Variants in DDR2 observed in about 807,000 individuals in gnomAD.
The protein encoded by DDR2 is discoidin domain receptor tyrosine kinase 2.
DDR2 carries 27 observed loss-of-function variants against 94.9 expected under a neutral mutation model. That is an observed-to-expected ratio of 0.28 (90% CI 0.21 to 0.39). The LOEUF (loss-of-function observed/expected upper bound fraction) is 0.39, where lower values mean the gene tolerates loss of function less well. DDR2 is among the 10% of genes least tolerant of loss of function. The pLI is 1.00. For missense variants in DDR2, 783 were observed against 1,076.0 expected (o/e 0.73, Z 3.81); for synonymous variants, 382 against 377.2 (o/e 1.01, Z -0.15).
intron 3 of DDR2, among the ~76,000 whole-genome samples, chr1:162,726,636 G>A (rs1661679700): frequency 6.6e-6 from 1 of 152,166 alleles, no homozygotes; most frequent in Non-Finnish European, 1.5e-5. Flanking sequence ...TTGGGGCCAG[G>A]AGCATGATCA....
intron 2 of DDR2, among the ~76,000 whole-genome samples, chr1:162,712,080 C>A (rs1660941558): frequency 6.6e-6 from 1 of 151,756 alleles, no homozygotes; most frequent in Non-Finnish European, 1.5e-5. Flanking sequence ...AGGTTCCTAG[C>A]TGTGTCCCCA....
chr1:162,762,286 A>G (rs1388365183), intron 9 of DDR2, among the ~76,000 whole-genome samples: 2 of 152,128 alleles, frequency 1.3e-5, no homozygotes, highest in Non-Finnish European at 2.9e-5. Flanking sequence ...GTCATTCCTA[A>G]TGACTGGTGC....
rs2102197889 is a variant in DDR2, at chr1:162,776,116, C to A, written c.2049-20C>A. 1 of 1,595,458 alleles carries A rather than the reference C, an allele frequency of 6.3e-7. No homozygotes were observed. Among genetic ancestry groups the A allele is most frequent in the Non-Finnish European group, 8.6e-7 (1 of 1,164,038 alleles). ...CCTGTTTCCATAGGCTACCTTCTGTCTTCTTGTCTATTTCCTCAGTTACAC... is the reference window on the plus strand; with the variant it reads ...CCTGTTTCCATAGGCTACCTTCTGTATTCTTGTCTATTTCCTCAGTTACAC... On this transcript the variant is annotated intron_variant, in intron 15 of 17. Transcript: ENST00000367921.
At chr1:162,729,300 A>ATGTTGTTTTTTTTTTTTTT (rs1416872679) in intron 3 of DDR2, among the ~76,000 whole-genome samples, 2 of 94,016 alleles carry the variant, frequency 2.1e-5, no homozygotes, top group African/African-American at 1.1e-4. Flanking sequence ...ATATATATAT[A>ATGTTGTTTTTTTTTTTTTT]TTTTTTTTTT....
intron 9 of DDR2, among the ~76,000 whole-genome samples, chr1:162,764,409 AAAG>A (rs1388801057): frequency 3.4e-4 from 52 of 151,186 alleles, no homozygotes; most frequent in African/African-American, 1.2e-3. Flanking sequence ...AAAAAAAAAA[AAAG>A]AAATGTCCAA....
At position 162,635,309 on chromosome 1, in the gene DDR2, G is replaced by A. The variant is rs1306037398; in HGVS notation, c.-192+2678G>A. Among the ~76,000 whole-genome samples the A allele has an allele frequency of 4.7e-5, 5 of 106,208 alleles. 1 individual carries two copies. In the South Asian group the frequency reaches 9.3e-4, roughly 20 times the overall value. 69.7% of individuals were successfully genotyped at this position (106,208 alleles called of 152,430 possible). A position where few individuals can be genotyped will look rare whatever the true frequency, so the allele number is the denominator to read the frequency against. On this transcript the variant is annotated intron_variant, in intron 1 of 17. Transcript: ENST00000367921. ...AATAGACACATGAAAAAATTGGAGCGGCCACCCCCCATACATTCATGTCAC... is the reference window on the plus strand; with the variant it reads ...AATAGACACATGAAAAAATTGGAGCAGCCACCCCCCATACATTCATGTCAC...
chr1:162,694,222 T>C (rs1660083506), intron 2 of DDR2, among the ~76,000 whole-genome samples: 1 of 152,226 alleles, frequency 6.6e-6, no homozygotes, highest in East Asian at 1.9e-4. Flanking sequence ...GCCACTCCTC[T>C]GCCTAAAAGC....
intron 7 of DDR2, among the ~76,000 whole-genome samples, chr1:162,756,459 C>T (rs1663468783): frequency 6.6e-6 from 1 of 152,176 alleles, no homozygotes; most frequent in Non-Finnish European, 1.5e-5. Flanking sequence ...GTACAGGATG[C>T]TCCCACCTAT....
chr1:162,740,512 T>C (rs1662536530), intron 3 of DDR2, among the ~76,000 whole-genome samples: 1 of 152,218 alleles, frequency 6.6e-6, no homozygotes, highest in African/African-American at 2.4e-5. Flanking sequence ...AGTCACCTGG[T>C]TGCTGTCTTC....
At chr1:162,685,162 A>G (rs1366161818) in intron 2 of DDR2, among the ~76,000 whole-genome samples, 1 of 152,180 alleles carries the variant, frequency 6.6e-6, no homozygotes. Flanking sequence ...GAATAATTAT[A>G]TACAAAATAT....
intron 3 of DDR2, among the ~76,000 whole-genome samples, chr1:162,747,544 G>T (rs548468372): frequency 6.6e-6 from 1 of 152,158 alleles, no homozygotes; most frequent in Non-Finnish European, 1.5e-5. Flanking sequence ...TGAAAGTGAC[G>T]GGGAGAATGG....
chr1:162,759,852 C>A lies in DDR2; in HGVS notation c.728C>A (p.Thr243Asn). Reference sequence around the variant, plus strand: ...GGTGTGTCTGGCCTGGACGATTTCACCCAGACCCATGAATACCACGTGTGG... The same window carrying A: ...GGTGTGTCTGGCCTGGACGATTTCAACCAGACCCATGAATACCACGTGTGG... Reference protein sequence around the residue: ...TDGVSGLDDFTQTHEYHVWPG... With the variant: ...TDGVSGLDDFNQTHEYHVWPG... The change falls in exon 8 of 18, where the codon ACC becomes AAC. Residue 243 changes from threonine to asparagine, a missense_variant. Coordinates refer to ENST00000367921, the MANE Select transcript of DDR2 (RefSeq NM_006182.4). The A allele has an allele frequency of 6.2e-7, 1 of 1,614,154 alleles. No individual in the cohort carries two copies. Among genetic ancestry groups the A allele is most frequent in the South Asian group, 1.1e-5 (1 of 91,080 alleles).
intron 2 of DDR2, among the ~76,000 whole-genome samples, chr1:162,690,952 A>G (rs1054590875): frequency 6.6e-6 from 1 of 152,120 alleles, no homozygotes; most frequent in Admixed American, 6.5e-5. Flanking sequence ...TCTTTCACCA[A>G]GTTTTGGCTC....
intron 14 of DDR2, 151 bp downstream of exon 14, chr1:162,773,747 T>C (rs1202823747): frequency 9.3e-6 from 10 of 1,073,736 alleles, no homozygotes; most frequent in Admixed American, 8.2e-5. Context: ...CTTATTCCGA[T>C]GGGGTCGGCA....
chr1:162,748,891 G>T (rs1414808781), intron 3 of DDR2, among the ~76,000 whole-genome samples: 3 of 152,240 alleles, frequency 2.0e-5, no homozygotes, highest in Non-Finnish European at 4.4e-5. Context: ...TGAACAACCT[G>T]CTCCTGAATG....
At chr1:162,712,534 C>G (rs1214942204) in intron 2 of DDR2, among the ~76,000 whole-genome samples, 1 of 152,094 alleles carries the variant, frequency 6.6e-6, no homozygotes, top group Non-Finnish European at 1.5e-5. Context: ...TTCCTGGTGG[C>G]TTTGACACAT....
At chr1:162,638,396 C>T (rs1053441766) in intron 1 of DDR2, among the ~76,000 whole-genome samples, 3 of 152,152 alleles carry the variant, frequency 2.0e-5, no homozygotes, top group Non-Finnish European at 2.9e-5. Flanking sequence ...TTATGGCTAT[C>T]GTTCTATGTC....
intron 16 of DDR2, chr1:162,778,103 A>G (rs1474592045): frequency 1.7e-5 from 4 of 230,234 alleles, no homozygotes; most frequent in East Asian, 1.0e-4. Flanking sequence ...TAGTCAATGC[A>G]TGCTATTTAC....
At chr1:162,778,458 G>T in intron 16 of DDR2, 122 bp from the exon 17 acceptor site, 1 of 1,195,284 alleles carries the variant, frequency 8.4e-7, no homozygotes, top group Non-Finnish European at 1.2e-6. Flanking sequence ...TGCACATCTT[G>T]GCATTTTCAG....
Sources: allele counts gnomAD v4.1 joint callset (sites outside exome capture counted in the v4.1 genomes callset), GRCh38; gene constraint gnomAD v4.1.1; transcripts MANE v1.5; gene names NCBI Gene and HGNC (gene_info 2026-07-23, HGNC 2026-07-21).